The following KIF20A variants were observed in gnomAD, a reference collection of about 807,000 sequenced individuals.
The protein encoded by KIF20A is kinesin-like protein KIF20A.
KIF20A carries 66 observed loss-of-function variants against 113.0 expected under a neutral mutation model. The observed-to-expected ratio is 0.58, with a 90% CI of 0.48 to 0.72. The LOEUF (loss-of-function observed/expected upper bound fraction) is 0.72, where lower values mean the gene tolerates loss of function less well. Among genes scored for constraint, KIF20A ranks in the 30% least tolerant of loss-of-function variants. The pLI is 0.00. For synonymous variants in KIF20A, 376 were observed against 402.3 expected (o/e 0.93, Z 0.78); for missense variants, 927 against 1,077.6 (o/e 0.86, Z 1.96).
At position 138,186,351 on chromosome 5, in the gene KIF20A, G is replaced by A. The variant is rs747441036; in HGVS notation, c.2275G>A (p.Glu759Lys). ...QKLGESLQSAERACCHSTGAG... is the reference protein window; with the variant it reads ...QKLGESLQSAKRACCHSTGAG... Reference sequence around the variant, plus strand: ...ACTTGGTGAGTCTCTCCAATCAGCAGAGAGAGCTTGTTGCCACAGCACTGG... The same window carrying A: ...ACTTGGTGAGTCTCTCCAATCAGCAAAGAGAGCTTGTTGCCACAGCACTGG... Residue 759 changes from glutamate to lysine, a missense_variant, in exon 18 of 19, where the codon GAG (glutamate) becomes AAG (lysine). Physicochemically the swap from Glu to Lys is moderately conservative, Grantham distance 56. Coordinates refer to ENST00000394894, the MANE Select transcript of KIF20A (RefSeq NM_005733.3). 4.4e-6 allele frequency: 7 copies of A among 1,605,440 alleles called. No homozygotes were observed. In the South Asian group the frequency reaches 6.7e-5, roughly 15 times the overall value.
Position 138,187,118 on chromosome 5 carries a change from A to C in KIF20A, c.2378A>C (p.Gln793Pro), listed in dbSNP as rs1178135769. ...IKQDQTLAELQNNMVLVKLDL... is the reference protein window; with the variant it reads ...IKQDQTLAELPNNMVLVKLDL... The stretch of plus-strand genomic sequence containing the variant: ...TAGGACCAGACTCTGGCTGAACTGC[A>C]GAACAACATGGTGCTAGTGAAACTG... Residue 793 changes from glutamine (Q) to proline (P), a missense_variant, in exon 19 of 19, where the codon CAG becomes CCG. Transcript: ENST00000394894. 2 of 1,610,604 alleles carry C rather than the reference A, an allele frequency of 1.2e-6. No homozygotes were observed. The highest frequency in any genetic ancestry group is 8.5e-7 in the Non-Finnish European group (1 of 1,177,206).
intron 4 of KIF20A, 97 bp from the exon 5 acceptor site, chr5:138,182,226 G>C: frequency 7.1e-7 from 1 of 1,416,006 alleles, no homozygotes. Flanking sequence ...GTGGTCTCCA[G>C]AGCCAACCAC....
In KIF20A at chr5:138,182,892, T is replaced by G; in HGVS notation, c.734T>G (p.Val245Gly). The change falls in exon 7 of 19, where the codon GTC becomes GGC. Residue 245 changes from valine to glycine, a missense_variant. Physicochemically the swap from Val to Gly is moderately radical, Grantham distance 109. Coordinates refer to ENST00000394894, the MANE Select transcript of KIF20A (RefSeq NM_005733.3). ...EELSTSLKRS[V>G]YIESRIGTST... Reference sequence around the variant, plus strand: ...CTGTCCACTTCCTTGAAGAGGAGTGTCTACATCGAAAGTCGGATAGGTACC... The same window carrying G: ...CTGTCCACTTCCTTGAAGAGGAGTGGCTACATCGAAAGTCGGATAGGTACC... 1 of 1,614,172 alleles carries G rather than the reference T, an allele frequency of 6.2e-7. No individual in the cohort carries two copies. The highest frequency in any genetic ancestry group is 8.5e-7 in the Non-Finnish European group (1 of 1,180,024).
Position 138,179,860 on chromosome 5 carries a change from G to C in KIF20A, c.165+15G>C. 8 of 1,613,352 alleles carry C rather than the reference G, an allele frequency of 5.0e-6. No homozygotes were observed. The highest frequency in any genetic ancestry group is 6.8e-6 in the Non-Finnish European group (8 of 1,179,716). On this transcript the variant is annotated intron_variant, in intron 2 of 18. Transcript: ENST00000394894. ...ACAAGCAGCAGGTAAAGGAACTGGG[G>C]AGTGGCTGGGGCGGAAAGTGATATC...
At chr5:138,182,204 G>A (rs1754670949) in intron 4 of KIF20A, 119 bp from the exon 5 acceptor site, 3 of 1,070,804 alleles carry the variant, frequency 2.8e-6, no homozygotes, top group Non-Finnish European at 2.7e-6. Context: ...ATTGCAGGAA[G>A]AAGCTGCTTG....
Position 138,180,076 on chromosome 5 carries a change from T to C in KIF20A, c.165+231T>C, listed in dbSNP as rs141010018. On this transcript the variant is annotated intron_variant, in intron 2 of 18. Transcript: ENST00000394894. ...GTGTCCAGAAGAACTATAATTTGCA[T>C]TGCATTAATGAAATAGCCTCAAATG... 6.6e-5 allele frequency among the ~76,000 whole-genome samples: 10 copies of C among 152,306 alleles called. No homozygotes were observed. The East Asian group carries it at 1.9e-3, about 29-fold the overall frequency.
intron 1 of KIF20A, chr5:138,179,446 T>C: frequency 2.0e-6 from 1 of 508,872 alleles, no homozygotes; most frequent in East Asian, 3.6e-5. Context: ...GTCTGTGGAC[T>C]TCTGTTCGCG....
Position 138,179,747 on chromosome 5 carries a change from A to C in KIF20A, c.67A>C (p.Met23Leu). The C allele has an allele frequency of 1.2e-6, 2 of 1,614,060 alleles. No individual in the cohort carries two copies. The highest frequency in any genetic ancestry group is 1.1e-5 in the South Asian group (1 of 91,080). The change falls in exon 2 of 19, where the codon ATG (methionine) becomes CTG (leucine). Residue 23 changes from methionine (M) to leucine (L), a missense_variant. Physicochemically the swap from Met to Leu is conservative, Grantham distance 15 (BLOSUM62 2). Coordinates refer to ENST00000394894, the MANE Select transcript of KIF20A (RefSeq NM_005733.3). ...CGATGACGATGTCGTAGTTTCTCCC[A>C]TGTTTGAGTCCACAGCTGCAGATTT... ...LSDDDVVVSP[M>L]FESTAADLGS... is the part of the protein sequence containing the mutation.
In KIF20A at chr5:138,183,292, C is replaced by T. The variant is rs375379655; in HGVS notation, c.956C>T (p.Pro319Leu). ...GAACTGCTTTATGACCTATTAGAACCGCCTAGCCAACAGCGCAAGAGGCAG... is the reference window on the plus strand; with the variant it reads ...GAACTGCTTTATGACCTATTAGAACTGCCTAGCCAACAGCGCAAGAGGCAG... ...YNELLYDLLEPPSQQRKRQTL... is the reference protein window; with the variant it reads ...YNELLYDLLELPSQQRKRQTL... The change falls in exon 8 of 19, where the codon CCG becomes CTG. Residue 319 changes from proline (P) to leucine (L), a missense_variant. Pro to Leu is a moderately conservative substitution (Grantham distance 98). Transcript: ENST00000394894. This position sits in a 1 kb window ranked among gnomAD's most constrained non-coding sequence, Gnocchi z 5.2. 1.6e-5 allele frequency: 26 copies of T among 1,614,104 alleles called. No homozygotes were observed. The highest frequency in any genetic ancestry group is 3.3e-5 in the South Asian group (3 of 91,090).
In KIF20A at chr5:138,181,622, T is replaced by C. The variant is rs1754662339; in HGVS notation, c.269T>C (p.Ile90Thr). The C allele has an allele frequency of 6.2e-7, 1 of 1,614,072 alleles. No homozygotes were observed. Residue 90 changes from isoleucine (I) to threonine (T), a missense_variant, in exon 4 of 19, where the codon ATT becomes ACT. Ile to Thr is a moderately conservative substitution (Grantham distance 89, BLOSUM62 -1). Transcript: ENST00000394894. ...ERQEDQGCVR[I>T]ENVETLVLQA... Reference sequence around the variant, plus strand: ...CTCCCTTCTCAGGGTTGTGTCCGTATTGAGAATGTGGAGACCCTTGTTCTA... The same window carrying C: ...CTCCCTTCTCAGGGTTGTGTCCGTACTGAGAATGTGGAGACCCTTGTTCTA...
At chr5:138,179,905 A>G (rs1754616444) in intron 2 of KIF20A, 60 bp downstream of exon 2, 3 of 1,559,654 alleles carry the variant, frequency 1.9e-6, no homozygotes, top group African/African-American at 1.4e-5. Context: ...ATAATTGTCC[A>G]TACAGGGTAG....
Position 138,182,367 on chromosome 5 carries a change from T to C in KIF20A, c.420T>C (p.Thr140=), listed in dbSNP as rs2151232582. ...EVGQASFFNL[T]VKEMVKDVLK... is the part of the protein sequence containing the mutation. ...GACAGGCATCCTTCTTCAACCTAAC[T>C]GTGAAGGAGATGGTAAAGGATGTAC... The change falls in exon 5 of 19, where the codon ACT becomes ACC. Residue 140 remains threonine, a synonymous_variant. Transcript: ENST00000394894. The C allele has an allele frequency of 6.2e-7, 1 of 1,614,108 alleles. No homozygotes were observed. The highest frequency in any genetic ancestry group is 8.5e-7 in the Non-Finnish European group (1 of 1,179,988).
At position 138,181,671 on chromosome 5, in the gene KIF20A, C is replaced by T. The variant is rs1435467210; in HGVS notation, c.318C>T (p.Ala106=). The change falls in exon 4 of 19, where the codon GCC becomes GCT. Residue 106 remains alanine (A), a synonymous_variant. Transcript: ENST00000394894. ...LVLQAPKDSF[A]LKSNERGIGQ... ...TACAAGCACCCAAGGACTCTTTTGC[C>T]CTGAAGAGCAATGAACGGGGAATTG... The T allele has an allele frequency of 1.2e-6, 2 of 1,613,964 alleles. No individual in the cohort carries two copies. The highest frequency in any genetic ancestry group is 8.5e-7 in the Non-Finnish European group (1 of 1,180,018).
At position 138,187,125 on chromosome 5, in the gene KIF20A, C is replaced by T; in HGVS notation, c.2385C>T (p.Asn795=). The part of the protein sequence containing the change: ...QDQTLAELQN[N]MVLVKLDLRK... ...AGACTCTGGCTGAACTGCAGAACAA[C>T]ATGGTGCTAGTGAAACTGGACCTTC... Residue 795 remains asparagine, a synonymous_variant, in exon 19 of 19, where the codon AAC becomes AAT. Coordinates refer to ENST00000394894, the MANE Select transcript of KIF20A (RefSeq NM_005733.3). 6.2e-7 allele frequency: 1 copy of T among 1,612,018 alleles called. No homozygotes were observed. Among genetic ancestry groups the T allele is most frequent in the South Asian group, 1.1e-5 (1 of 91,036 alleles).
intron 14 of KIF20A, 33 bp downstream of exon 14, chr5:138,184,979 C>T: frequency 6.2e-7 from 1 of 1,611,018 alleles, no homozygotes. Context: ...TGCTCTGTCA[C>T]CTGAGACAGA....
rs1039531581 is a variant in KIF20A at position 138,183,848 on chromosome 5, C to T, written c.1208+92C>T. On this transcript the variant is annotated intron_variant, in intron 10 of 18. Transcript: ENST00000394894. The surrounding 1 kb of genome is among the most constrained non-coding windows in gnomAD (Gnocchi z 5.2). ...GGTCCTCAGGGGAACTATGTGTTCT[C>T]CTTCTTTGGGTACAGAGATTCTTAG... The T allele has an allele frequency of 2.5e-6, 4 of 1,576,410 alleles. No homozygotes were observed. The African/African-American group carries it at 5.4e-5, about 21-fold the overall frequency.
intron 15 of KIF20A, 59 bp downstream of exon 15, chr5:138,185,256 G>A: frequency 8.6e-7 from 1 of 1,161,638 alleles, no homozygotes; most frequent in East Asian, 2.3e-5. Context: ...TAGCTTGCCT[G>A]AAGTAAAGAG....
Position 138,181,498 on chromosome 5 carries a change from G to A in KIF20A, c.242G>A (p.Arg81Gln), listed in dbSNP as rs527740679. 1.5e-5 allele frequency: 25 copies of A among 1,614,162 alleles called. No homozygotes were observed. Among genetic ancestry groups the A allele is most frequent in the South Asian group, 1.1e-4 (10 of 91,086 alleles). ...CCCTTGTTACCTTCAGAGTTGGAACGACAGGAAGATCAGGTAAGTGTCTGA... is the reference window on the plus strand; with the variant it reads ...CCCTTGTTACCTTCAGAGTTGGAACAACAGGAAGATCAGGTAAGTGTCTGA... ...VRPLLPSELE[R>Q]QEDQGCVRIE... Residue 81 changes from arginine to glutamine, a missense_variant, in exon 3 of 19, where the codon CGA (arginine) becomes CAA (glutamine). Transcript: ENST00000394894.
Position 138,184,530 on chromosome 5 carries a change from A to G in KIF20A, c.1537A>G (p.Met513Val), listed in dbSNP as rs775056301. ...CCTCTAGCTTGTGCATGCCCCACCTATGCAACTGGGATTCCCATCCCTGCA... is the reference window on the plus strand; with the variant it reads ...CCTCTAGCTTGTGCATGCCCCACCTGTGCAACTGGGATTCCCATCCCTGCA... Reference protein sequence around the residue: ...IASQLVHAPPMQLGFPSLHSF... With the variant: ...IASQLVHAPPVQLGFPSLHSF... Residue 513 changes from methionine to valine, a missense_variant, in exon 13 of 19, where the codon ATG (methionine) becomes GTG (valine). Met to Val is a conservative substitution (Grantham distance 21). Coordinates refer to ENST00000394894, the MANE Select transcript of KIF20A (RefSeq NM_005733.3). The G allele has an allele frequency of 4.8e-5, 78 of 1,613,960 alleles. No individual in the cohort carries two copies. The Middle Eastern group carries it at 6.6e-4, about 14-fold the overall frequency.
Sources: gnomAD v4.1 joint callset for allele counts (sites outside exome capture counted in the v4.1 genomes callset) on GRCh38, gnomAD v4.1.1 for gene constraint, Gnocchi (gnomAD v3.1) non-coding constraint, MANE v1.5 for transcripts, NCBI Gene and HGNC (gene_info 2026-07-23, HGNC 2026-07-21) for gene names.